PBX1: variants seen among roughly 807,000 people sequenced by gnomAD.
The protein encoded by PBX1 is PBX homeobox 1.
A neutral mutation model predicts 53.4 loss-of-function variants in PBX1; 6 were observed. That is an observed-to-expected ratio of 0.11 (90% CI 0.06 to 0.22). The LOEUF is 0.22. PBX1 is among the 10% of genes least tolerant of loss of function. The pLI is 1.00. For missense variants in PBX1, 251 were observed against 551.4 expected (o/e 0.46, Z 5.46); for synonymous variants, 204 against 212.3 (o/e 0.96, Z 0.34).
intron 2 of PBX1, among the ~76,000 whole-genome samples, chr1:164,882,347 T>C (rs1486823769): frequency 6.6e-6 from 1 of 152,186 alleles, no homozygotes; most frequent in Non-Finnish European, 1.5e-5. Flanking sequence ...GTGCTCCTCA[T>C]TTTCATGGCT....
chr1:164,568,962 C>T (rs111607090), intron 2 of PBX1, among the ~76,000 whole-genome samples: 69 of 152,334 alleles, frequency 4.5e-4, no homozygotes, highest in African/African-American at 1.6e-3. Context: ...TTCAATCTCT[C>T]AATTATTGGT....
At chr1:164,765,435 A>G (rs866690004) in intron 2 of PBX1, among the ~76,000 whole-genome samples, 25 of 152,192 alleles carry the variant, frequency 1.6e-4, no homozygotes, top group African/African-American at 4.6e-4. Flanking sequence ...TTCATCAATG[A>G]AGATGATTGG....
intron 2 of PBX1, among the ~76,000 whole-genome samples, chr1:164,658,639 T>C (rs1193713569): frequency 6.6e-6 from 1 of 152,216 alleles, no homozygotes; most frequent in Non-Finnish European, 1.5e-5. Context: ...TCCAGCCTGC[T>C]ACATATCTAC....
At chr1:164,875,999 TATATATAC>T (rs200471757) in intron 2 of PBX1, among the ~76,000 whole-genome samples, 1,850 of 58,514 alleles carry the variant, frequency 0.032, 182 homozygotes, top group Non-Finnish European at 0.075. Context: ...TATATATATA[TATATATAC>T]ACACATACAC....
downstream of PBX1, among the ~76,000 whole-genome samples, chr1:164,854,945 CTTTTTTTTT>C (rs539213655): frequency 1.7e-5 from 2 of 116,364 alleles, no homozygotes; most frequent in African/African-American, 3.3e-5. Context: ...CTCTCTCTCT[CTTTTTTTTT>C]TTTTTTTTTT....
rs112114845 is a variant in PBX1, at chr1:164,602,474, G to T, written c.265+39163G>T. On this transcript the variant is annotated intron_variant, in intron 2 of 8. Coordinates refer to ENST00000420696, the MANE Select transcript of PBX1 (RefSeq NM_002585.4). ...ATGTTCTTGTTTATTTAAATTGCTT[G>T]AACAAGGGTTTAGCTGTATGGGAAG... Among the ~76,000 whole-genome samples the T allele has an allele frequency of 8.0e-3, 1,215 of 152,210 alleles. 23 individuals carry two copies. The highest frequency in any genetic ancestry group is 0.028 in the African/African-American group (1,149 of 41,528).
At chr1:164,662,390 C>G (rs889927301) in intron 2 of PBX1, among the ~76,000 whole-genome samples, 1 of 152,160 alleles carries the variant, frequency 6.6e-6, no homozygotes, top group Non-Finnish European at 1.5e-5. Flanking sequence ...GACTCTGGGC[C>G]TTCTAGGAGA....
rs566502521 is a variant in PBX1, at chr1:164,753,998, G to A, written c.266-38496G>A. Among the ~76,000 whole-genome samples the A allele has an allele frequency of 1.5e-4, 23 of 152,278 alleles. No homozygotes were observed. In the South Asian group the frequency reaches 4.6e-3, roughly 30 times the overall value. Reference sequence around the variant, plus strand: ...AGTACTCTTTGTTGTCATTTAGTATGTATCGAGGAGCAGCGTGTTCCCTTG... The same window carrying A: ...AGTACTCTTTGTTGTCATTTAGTATATATCGAGGAGCAGCGTGTTCCCTTG... On this transcript the variant is annotated intron_variant, in intron 2 of 8. Transcript: ENST00000420696.
At chr1:164,811,873 A>AATGTAAG (rs11280817) in intron 5 of PBX1, 117 bp from the exon 6 acceptor site, 2 of 567,490 alleles carry the variant, frequency 3.5e-6, no homozygotes, top group African/African-American at 2.0e-5. Flanking sequence ...CCAAATTATT[A>AATGTAAG]TAGGATAAGA....
chr1:164,748,596 C>T lies in PBX1; in HGVS notation c.266-43898C>T, dbSNP rs532715041. On this transcript the variant is annotated intron_variant, in intron 2 of 8. Transcript: ENST00000420696. ...TGATTCACATATTTTGCAGAAGCTT[C>T]TGGCTTGGAATTTCTATCGCAAGTT... Among the ~76,000 whole-genome samples the T allele has an allele frequency of 7.2e-5, 11 of 152,282 alleles. No individual in the cohort carries two copies. The East Asian group carries it at 1.7e-3, about 24-fold the overall frequency.
chr1:164,640,715 C>G (rs1659084054), intron 2 of PBX1, among the ~76,000 whole-genome samples: 1 of 151,898 alleles, frequency 6.6e-6, no homozygotes, highest in African/African-American at 2.4e-5. Flanking sequence ...CACCACCATG[C>G]CTGGCTGATT....
chr1:164,752,214 G>A (rs1227625335), intron 2 of PBX1, among the ~76,000 whole-genome samples: 2 of 144,522 alleles, frequency 1.4e-5, no homozygotes, highest in Non-Finnish European at 1.5e-5. Context: ...TTTTGTGTGT[G>A]TGTGTGTGTG....
At chr1:164,773,698 C>G (rs754451610) in intron 2 of PBX1, among the ~76,000 whole-genome samples, 2 of 152,176 alleles carry the variant, frequency 1.3e-5, no homozygotes, top group Non-Finnish European at 2.9e-5. Flanking sequence ...TGGGCCATGA[C>G]TCTCTCTTCA....
At chr1:164,693,847 A>G (rs537512996) in intron 2 of PBX1, among the ~76,000 whole-genome samples, 1 of 152,278 alleles carries the variant, frequency 6.6e-6, no homozygotes, top group Non-Finnish European at 1.5e-5. Context: ...CGTGCAGCTA[A>G]TCATAGGCAC....
At chr1:164,733,374 C>T (rs778569676) in intron 2 of PBX1, among the ~76,000 whole-genome samples, 42 of 152,092 alleles carry the variant, frequency 2.8e-4, no homozygotes, top group Admixed American at 1.9e-3. Flanking sequence ...ACCTTGGGTC[C>T]TGTGCATCTC....
At chr1:164,813,206 C>T (rs1386605273) in intron 6 of PBX1, 3 of 152,168 alleles carry the variant, frequency 2.0e-5, no homozygotes, top group African/African-American at 7.2e-5. Flanking sequence ...CTGTGAGCTT[C>T]CAGATGCATA....
chr1:164,780,818 C>T (rs1203001006), intron 2 of PBX1, among the ~76,000 whole-genome samples: 1 of 152,160 alleles, frequency 6.6e-6, no homozygotes, highest in Non-Finnish European at 1.5e-5. Context: ...CGCCCTTACC[C>T]CATTCCACTG....
At chr1:164,648,237 G>A (rs1659585112) in intron 2 of PBX1, among the ~76,000 whole-genome samples, 1 of 152,220 alleles carries the variant, frequency 6.6e-6, no homozygotes, top group African/African-American at 2.4e-5. Flanking sequence ...TATTAGGGGT[G>A]TGATTTAAGT....
At chr1:164,659,590 C>A (rs1249002668) in intron 2 of PBX1, among the ~76,000 whole-genome samples, 1 of 152,166 alleles carries the variant, frequency 6.6e-6, no homozygotes, top group Non-Finnish European at 1.5e-5. Context: ...GGAAGGACAT[C>A]TTTTTGCTAT....
Sources: allele counts gnomAD v4.1 joint callset (sites outside exome capture counted in the v4.1 genomes callset), GRCh38; gene constraint gnomAD v4.1.1; transcripts MANE v1.5; gene names NCBI Gene and HGNC (gene_info 2026-07-23, HGNC 2026-07-21).